The following C21orf91 variants were observed in gnomAD, a reference collection of about 807,000 sequenced individuals.
The protein encoded by C21orf91 is protein EURL homolog.
A neutral mutation model predicts 32.9 loss-of-function variants in C21orf91; 26 were observed. The observed-to-expected ratio is 0.79, with a 90% confidence interval of 0.58 to 1.10. The LOEUF is 1.10. C21orf91 is among the 50% of genes least tolerant of loss of function. The pLI is 0.00. For synonymous variants in C21orf91, 126 were observed against 120.4 expected, an observed-to-expected ratio of 1.05 and a Z score of -0.31; for missense variants, 310 against 341.3, an observed-to-expected ratio of 0.91 and a Z score of 0.72.
At chr21:17,797,215 T>C (rs1001726459) in intron 2 of C21orf91, 97 bp from the exon 3 acceptor site, 507 of 720,908 alleles carry the variant, frequency 7.0e-4, no homozygotes, top group Non-Finnish European at 9.7e-4. Flanking sequence ...GAGTCCCTGA[T>C]AGTCTGTGAA....
At chr21:17,812,764 G>A (rs1011914617) in intron 2 of C21orf91, among the ~76,000 whole-genome samples, 6 of 151,870 alleles carry the variant, frequency 4.0e-5, no homozygotes, top group Non-Finnish European at 5.9e-5. Context: ...AGCCGAGACT[G>A]CACCACTGTA....
rs141313447 is a variant in C21orf91, at chr21:17,806,377, G to A, written c.128-9259C>T. 6.8e-3 allele frequency among the ~76,000 whole-genome samples: 1,038 copies of A among 152,290 alleles called. 6 individuals are homozygous for A. Among genetic ancestry groups the A allele is most frequent in the African/African-American group, 0.012 (484 of 41,572 alleles). On this transcript the variant is annotated intron_variant, in intron 2 of 4. Coordinates refer to ENST00000284881, the MANE Select transcript of C21orf91 (RefSeq NM_001100420.2). ...AAAGAACTATGGCTTAAGGAAAAAA[G>A]GGAAAAGTTTTTTTCCTTGACTTTT... is the stretch of plus-strand genomic sequence containing the variant.
rs1221836094 is a variant in C21orf91 at position 17,792,534 on chromosome 21, A to C, written c.*881T>G. ...CACACTCAATTTGAAGATAGACATTATATTTGAATTGGAAGTGAGGCTTGA... is the reference window on the plus strand; with the variant it reads ...CACACTCAATTTGAAGATAGACATTCTATTTGAATTGGAAGTGAGGCTTGA... On this transcript the variant is annotated 3_prime_UTR_variant, in exon 5 of 5. Transcript: ENST00000284881. The C allele has an allele frequency of 6.6e-6, 1 of 152,122 alleles. No homozygotes were observed. The highest frequency in any genetic ancestry group is 1.9e-4 in the East Asian group (1 of 5,194). The allele number at this position is 152,122 out of a possible 1,614,324, so 9.4% of individuals were successfully genotyped here. A position where few individuals can be genotyped will look rare whatever the true frequency, so the allele number is the denominator to read the frequency against.
chr21:17,799,166 A>C (rs2062541851), intron 2 of C21orf91, among the ~76,000 whole-genome samples: 1 of 152,202 alleles, frequency 6.6e-6, no homozygotes, highest in South Asian at 2.1e-4. Flanking sequence ...GTATTTATAC[A>C]GAAACTCCGA....
intron 2 of C21orf91, among the ~76,000 whole-genome samples, chr21:17,811,729 T>C (rs1230112153): frequency 6.6e-6 from 1 of 152,196 alleles, no homozygotes; most frequent in Non-Finnish European, 1.5e-5. Flanking sequence ...TCTGTTAGAC[T>C]ATTGGGATAA....
At chr21:17,811,355 C>G (rs1471178459) in intron 2 of C21orf91, 1 of 152,108 alleles carries the variant, frequency 6.6e-6, no homozygotes, top group Non-Finnish European at 1.5e-5. Flanking sequence ...AAGAGACTTA[C>G]CTAAAAGTAT....
intron 2 of C21orf91, among the ~76,000 whole-genome samples, chr21:17,809,301 T>C (rs972098326): frequency 2.0e-5 from 3 of 152,198 alleles, no homozygotes; most frequent in African/African-American, 7.2e-5. Flanking sequence ...TAAACAGTAA[T>C]ATAAAAACTT....
rs138319162 is a variant in C21orf91 at position 17,795,308 on chromosome 21, C to A, written c.665-38G>T. Reference sequence around the variant, plus strand: ...AATGTATTCACTATTACCACAACAACCTAGGAAAACATGCTGCTTACATCA... The same window carrying A: ...AATGTATTCACTATTACCACAACAAACTAGGAAAACATGCTGCTTACATCA... On this transcript the variant is annotated intron_variant, in intron 3 of 4. Coordinates refer to ENST00000284881, the MANE Select transcript of C21orf91 (RefSeq NM_001100420.2). The A allele has an allele frequency of 4.4e-6, 6 of 1,369,310 alleles. No homozygotes were observed. The East Asian group carries it at 1.4e-4, about 31-fold the overall frequency. 84.8% of individuals were successfully genotyped at this position (1,369,310 alleles called of 1,614,324 possible).
intron 2 of C21orf91, among the ~76,000 whole-genome samples, chr21:17,802,625 A>G (rs2062569638): frequency 6.6e-6 from 1 of 152,224 alleles, no homozygotes; most frequent in South Asian, 2.1e-4. Context: ...AAGTTCTACC[A>G]CATGTCCCAT....
chr21:17,816,490 C>T (rs1428646104), intron 2 of C21orf91, among the ~76,000 whole-genome samples: 1 of 152,146 alleles, frequency 6.6e-6, no homozygotes, highest in Non-Finnish European at 1.5e-5. Flanking sequence ...AGAACATCAG[C>T]CCTATTGCTA....
rs537742973 is a variant in C21orf91 at position 17,790,161 on chromosome 21, A to C, written c.*3254T>G. The C allele has an allele frequency of 6.6e-6, 1 of 152,210 alleles. No homozygotes were observed. Among genetic ancestry groups the C allele is most frequent in the East Asian group, 1.9e-4 (1 of 5,186 alleles). 9.4% of individuals were successfully genotyped at this position (152,210 alleles called of 1,614,324 possible). A position where few individuals can be genotyped will look rare whatever the true frequency, so the allele number is the denominator to read the frequency against. Reference sequence around the variant, plus strand: ...TATGGTCACTAACCTGAACCTCCTAATAAGCTACACAAATAATTTACTCTT... The same window carrying C: ...TATGGTCACTAACCTGAACCTCCTACTAAGCTACACAAATAATTTACTCTT... On this transcript the variant is annotated 3_prime_UTR_variant, in exon 5 of 5. Transcript: ENST00000284881.
At chr21:17,796,345 T>C (rs1035325902) in intron 3 of C21orf91, among the ~76,000 whole-genome samples, 1 of 152,222 alleles carries the variant, frequency 6.6e-6, no homozygotes, top group Non-Finnish European at 1.5e-5. Context: ...CCATTTAGTG[T>C]AATCATTTTA....
chr21:17,801,949 T>C (rs2062564725), intron 2 of C21orf91, among the ~76,000 whole-genome samples: 1 of 152,208 alleles, frequency 6.6e-6, no homozygotes, highest in Non-Finnish European at 1.5e-5. Context: ...TTCAATAATT[T>C]TATTTTTCTT....
chr21:17,803,875 A>C (rs1277960194), intron 2 of C21orf91, among the ~76,000 whole-genome samples: 1 of 152,236 alleles, frequency 6.6e-6, no homozygotes, highest in Admixed American at 6.5e-5. Context: ...TCCACACTAC[A>C]GGTAAGTTTT....
intron 2 of C21orf91, among the ~76,000 whole-genome samples, chr21:17,801,140 G>A (rs1422886138): frequency 6.6e-6 from 1 of 151,966 alleles, no homozygotes; most frequent in Non-Finnish European, 1.5e-5. Context: ...GCAAAGACAT[G>A]GAACCAACAC....
chr21:17,800,077 A>G lies in C21orf91; in HGVS notation c.128-2959T>C, dbSNP rs192096248. ...AAATGGCATTCCTGTGGCATCATTC[A>G]ATCTGTCAAAGAAAATAATGAATTT... On this transcript the variant is annotated intron_variant, in intron 2 of 4. Coordinates refer to ENST00000284881, the MANE Select transcript of C21orf91 (RefSeq NM_001100420.2). Among the ~76,000 whole-genome samples, 3 of 152,290 alleles carry G rather than the reference A, an allele frequency of 2.0e-5. No homozygotes were observed. In the East Asian group the frequency reaches 5.8e-4, roughly 29 times the overall value.
intron 2 of C21orf91, among the ~76,000 whole-genome samples, chr21:17,812,757 C>G (rs555641293): frequency 5.9e-5 from 9 of 151,654 alleles, no homozygotes; most frequent in African/African-American, 1.9e-4. Context: ...TGCAGTGAGC[C>G]GAGACTGCAC....
At position 17,796,752 on chromosome 21, in the gene C21orf91, C is replaced by T. The variant is rs776407247; in HGVS notation, c.494G>A (p.Arg165Lys). ...AGAAAGTCCAAAGTCTGTATTTTCC[C>T]TCTGCTCCAAAATTCTTTGTGTACA... ...SNCTQRILEQ[R>K]ENTDFGLSML... Residue 165 changes from arginine (R) to lysine (K), a missense_variant, in exon 3 of 5, where the codon AGG (arginine) becomes AAG (lysine). Transcript: ENST00000284881. The T allele has an allele frequency of 8.1e-6, 13 of 1,614,038 alleles. No individual in the cohort carries two copies. In the Admixed American group the frequency reaches 1.2e-4, roughly 14 times the overall value.
At chr21:17,802,160 T>C (rs2062566188) in intron 2 of C21orf91, among the ~76,000 whole-genome samples, 1 of 152,176 alleles carries the variant, frequency 6.6e-6, no homozygotes, top group African/African-American at 2.4e-5. Context: ...CTAGTTGCCA[T>C]CATTACTCTT....
Sources: allele counts gnomAD v4.1 joint callset (sites outside exome capture counted in the v4.1 genomes callset), GRCh38; gene constraint gnomAD v4.1.1; transcripts MANE v1.5; gene names NCBI Gene and HGNC (gene_info 2026-07-23, HGNC 2026-07-21).